NRG3: variants seen among roughly 807,000 people sequenced by gnomAD.
NRG3 encodes the protein pro-neuregulin-3, membrane-bound isoform.
NRG3 carries 31 observed loss-of-function variants against 66.9 expected under a neutral mutation model. The observed-to-expected ratio is 0.46, with a 90% CI of 0.35 to 0.63. NRG3 has a LOEUF of 0.63. NRG3 is among the 20% of genes least tolerant of loss of function. The pLI, the probability that NRG3 is intolerant of heterozygous loss-of-function variation, is 0.00. For missense variants in NRG3, 910 were observed against 878.9 expected (o/e 1.04, Z -0.45); for synonymous variants, 393 against 359.4 (o/e 1.09, Z -1.06).
chr10:82,965,138 T>C (rs1317844162), intron 6 of NRG3, among the ~76,000 whole-genome samples: 1 of 152,194 alleles, frequency 6.6e-6, no homozygotes, highest in African/African-American at 2.4e-5. Context: ...CTTGAGCTAA[T>C]GCTGAGAGCA....
At chr10:82,483,652 A>G (rs1031143751) in intron 2 of NRG3, among the ~76,000 whole-genome samples, 5 of 152,124 alleles carry the variant, frequency 3.3e-5, no homozygotes, top group African/African-American at 1.2e-4. Flanking sequence ...TCCCCTTTTA[A>G]AAAGGTTTTC....
At chr10:82,797,113 A>C (rs2060831853) in intron 3 of NRG3, among the ~76,000 whole-genome samples, 1 of 152,166 alleles carries the variant, frequency 6.6e-6, no homozygotes, top group African/African-American at 2.4e-5. Context: ...ATCAGTCTTC[A>C]TTTTTACTCC....
intron 1 of NRG3, among the ~76,000 whole-genome samples, chr10:82,038,538 C>T (rs2062895043): frequency 6.6e-6 from 1 of 152,080 alleles, no homozygotes; most frequent in African/African-American, 2.4e-5. Context: ...AAGTCACAAC[C>T]CATGAGTTTT....
intron 2 of NRG3, among the ~76,000 whole-genome samples, chr10:82,377,206 C>T (rs965951238): frequency 2.0e-5 from 3 of 152,128 alleles, no homozygotes; most frequent in Non-Finnish European, 2.9e-5. Context: ...ATTAAGCGAT[C>T]GAATAACTTG....
chr10:82,061,766 C>T, intron 1 of NRG3, among the ~76,000 whole-genome samples: 1 of 151,816 alleles, frequency 6.6e-6, no homozygotes, highest in Admixed American at 6.6e-5. Context: ...TCCATAACTG[C>T]TCTCTTCCCT....
In NRG3 at chr10:82,220,177, G is replaced by A. The variant is rs2434064; in HGVS notation, c.824-138562G>A. ...TATGATTCTTCAATCATGTGGGCATGTATCTTTACTGTGTGTGTGTGTGTG... is the reference window on the plus strand; with the variant it reads ...TATGATTCTTCAATCATGTGGGCATATATCTTTACTGTGTGTGTGTGTGTG... On this transcript the variant is annotated intron_variant, in intron 1 of 8. Transcript: ENST00000372141. 2.8e-5 allele frequency among the ~76,000 whole-genome samples: 4 copies of A among 141,756 alleles called. No individual in the cohort carries two copies. The Admixed American group carries it at 2.9e-4, about 10-fold the overall frequency. The allele number at this position is 141,756 out of a possible 152,430, so 93.0% of individuals were successfully genotyped here. A position where few individuals can be genotyped will look rare whatever the true frequency, so the allele number is the denominator to read the frequency against.
rs536115813 is a variant in NRG3 at position 82,699,320 on chromosome 10, GGAAA to G, written c.954-39253_954-39250del. Among the ~76,000 whole-genome samples the G allele has an allele frequency of 3.1e-3, 474 of 151,228 alleles. 4 individuals carry two copies. Among genetic ancestry groups the G allele is most frequent in the South Asian group, 3.1e-3 (15 of 4,764 alleles). On this transcript the variant is annotated intron_variant, in intron 2 of 8. Coordinates refer to ENST00000372141, the MANE Select transcript of NRG3 (RefSeq NM_001010848.4). ...GGGAGGGAGACAGGGAGGGAGGGAA[GGAAA>G]GAAGGAAGGAAGGAAGAAGGGATGG... is the stretch of plus-strand genomic sequence containing the variant.
At chr10:82,552,802 G>C (rs1218866401) in intron 2 of NRG3, among the ~76,000 whole-genome samples, 1 of 152,168 alleles carries the variant, frequency 6.6e-6, no homozygotes, top group Admixed American at 6.5e-5. Context: ...TGGAGACTTA[G>C]AGAAGTTAAG....
Position 82,473,458 on chromosome 10 carries a change from AAAAC to A in NRG3, c.953+114603_953+114606del, listed in dbSNP as rs370708058. On this transcript the variant is annotated intron_variant, in intron 2 of 8. Coordinates refer to ENST00000372141, the MANE Select transcript of NRG3 (RefSeq NM_001010848.4). ...GCAAGATTTCCCCCATGGCAACATG[AAAAC>A]AAACAAACAAACCAACAAACAAACA... Among the ~76,000 whole-genome samples, 340 of 152,338 alleles carry A rather than the reference AAAAC, an allele frequency of 2.2e-3. 1 individual carries two copies. Among genetic ancestry groups the A allele is most frequent in the African/African-American group, 6.6e-3 (275 of 41,576 alleles).
intron 2 of NRG3, among the ~76,000 whole-genome samples, chr10:82,689,984 A>G (rs1196795182): frequency 6.6e-6 from 1 of 152,170 alleles, no homozygotes; most frequent in Non-Finnish European, 1.5e-5. Context: ...ATTTCTTGAA[A>G]CTATTTTATA....
intron 2 of NRG3, among the ~76,000 whole-genome samples, chr10:82,612,017 A>G (rs2048346921): frequency 6.6e-6 from 1 of 152,214 alleles, no homozygotes; most frequent in Non-Finnish European, 1.5e-5. Context: ...TCTAATGACC[A>G]GTGATGATGA....
chr10:82,654,903 C>T (rs1351019512), intron 2 of NRG3, among the ~76,000 whole-genome samples: 2 of 151,722 alleles, frequency 1.3e-5, no homozygotes, highest in South Asian at 2.1e-4. Flanking sequence ...TACGTATCTC[C>T]CACCAAAAAT....
intron 1 of NRG3, among the ~76,000 whole-genome samples, chr10:82,104,147 G>A (rs1407457924): frequency 5.9e-5 from 9 of 152,172 alleles, no homozygotes; most frequent in Admixed American, 5.9e-4. Flanking sequence ...CTTTTCAGAA[G>A]TAATTTTCTT....
intron 1 of NRG3, among the ~76,000 whole-genome samples, chr10:81,976,129 C>A (rs1449781495): frequency 2.0e-5 from 3 of 152,102 alleles, no homozygotes; most frequent in East Asian, 1.9e-4. Flanking sequence ...TTATGTTAAT[C>A]CCTTACATTA....
At chr10:82,914,751 T>C (rs1845673504) in intron 4 of NRG3, among the ~76,000 whole-genome samples, 1 of 143,322 alleles carries the variant, frequency 7.0e-6, no homozygotes, top group African/African-American at 2.8e-5. Flanking sequence ...ATTTTTAGCT[T>C]TTTTTTTTTT....
chr10:82,358,629 G>A, intron 1 of NRG3, 110 bp from the exon 2 acceptor site: 1 of 1,474,486 alleles, frequency 6.8e-7, no homozygotes, highest in Non-Finnish European at 9.3e-7. Flanking sequence ...GAGTCCCAGA[G>A]GTCAGAGCCC....
intron 2 of NRG3, among the ~76,000 whole-genome samples, chr10:82,383,347 G>A (rs1171463684): frequency 2.0e-5 from 3 of 151,582 alleles, no homozygotes; most frequent in African/African-American, 7.3e-5. Flanking sequence ...TTAGTAGGCT[G>A]TTGCACATAC....
chr10:82,591,375 C>T (rs139497672), intron 2 of NRG3, among the ~76,000 whole-genome samples: 123 of 152,276 alleles, frequency 8.1e-4, no homozygotes, highest in Middle Eastern at 3.4e-3. Flanking sequence ...GGTTTAAGTG[C>T]AGTCAAACTT....
chr10:82,483,575 G>A lies in NRG3; in HGVS notation c.953+124707G>A, dbSNP rs147902981. ...GTTTCCCCTCTGTTTAATGTAGATGGCTTCCCAGAAAATTGCAATGTAGCT... is the reference window on the plus strand; with the variant it reads ...GTTTCCCCTCTGTTTAATGTAGATGACTTCCCAGAAAATTGCAATGTAGCT... On this transcript the variant is annotated intron_variant, in intron 2 of 8. Transcript: ENST00000372141. Among the ~76,000 whole-genome samples, 19 of 152,262 alleles carry A rather than the reference G, an allele frequency of 1.2e-4. No individual in the cohort carries two copies. The East Asian group carries it at 3.7e-3, about 29-fold the overall frequency.
Sources: gnomAD v4.1 joint callset for allele counts (sites outside exome capture counted in the v4.1 genomes callset) on GRCh38, gnomAD v4.1.1 for gene constraint, MANE v1.5 for transcripts, NCBI Gene and HGNC (gene_info 2026-07-23, HGNC 2026-07-21) for gene names.